Variants in FBXL17 observed in about 807,000 individuals in gnomAD.
FBXL17 encodes the protein F-box/LRR-repeat protein 17.
Under a neutral mutation model 66.2 loss-of-function variants are expected in FBXL17, and 22 were observed. That is an observed-to-expected ratio of 0.33 (90% CI 0.24 to 0.47). The LOEUF is 0.47. FBXL17 is among the 20% of genes least tolerant of loss of function. The pLI, the probability that FBXL17 is intolerant of heterozygous loss-of-function variation, is 1.00. For synonymous variants in FBXL17, 474 were observed against 400.5 expected (o/e 1.18, Z -2.19); for missense variants, 878 against 948.2 (o/e 0.93, Z 0.97).
chr5:108,025,561 T>C (rs1283478634), intron 6 of FBXL17, among the ~76,000 whole-genome samples: 1 of 152,020 alleles, frequency 6.6e-6, no homozygotes. Flanking sequence ...AAAAGTGATC[T>C]ATTTGGGGTT....
intron 4 of FBXL17, among the ~76,000 whole-genome samples, chr5:108,312,354 TA>T (rs894212313): frequency 7.9e-5 from 12 of 151,330 alleles, no homozygotes; most frequent in East Asian, 1.9e-4. Flanking sequence ...CTTTCTCTGT[TA>T]AAAAAAAATG....
At chr5:108,149,514 C>T (rs1204089559) in intron 6 of FBXL17, among the ~76,000 whole-genome samples, 1 of 152,178 alleles carries the variant, frequency 6.6e-6, no homozygotes, top group Non-Finnish European at 1.5e-5. Context: ...ATGTGTTAAG[C>T]ATGAGAGAGC....
At chr5:108,157,635 T>C (rs1437623906) in intron 6 of FBXL17, among the ~76,000 whole-genome samples, 2 of 151,680 alleles carry the variant, frequency 1.3e-5, no homozygotes, top group Non-Finnish European at 2.9e-5. Flanking sequence ...TTATTTAGCA[T>C]ATTATATGCA....
intron 7 of FBXL17, among the ~76,000 whole-genome samples, chr5:107,929,084 C>T (rs754233505): frequency 2.9e-4 from 44 of 152,152 alleles, no homozygotes; most frequent in Non-Finnish European, 5.4e-4. Flanking sequence ...AAGGTGAAAT[C>T]TCTCTTTATC....
At chr5:108,345,508 G>T (rs1251293905) in intron 4 of FBXL17, among the ~76,000 whole-genome samples, 1 of 150,334 alleles carries the variant, frequency 6.7e-6, no homozygotes, top group Non-Finnish European at 1.5e-5. Flanking sequence ...TTAAACTAGT[G>T]CCACAAATAA....
intron 6 of FBXL17, among the ~76,000 whole-genome samples, chr5:108,087,899 GC>G (rs1561403580): frequency 6.6e-6 from 1 of 152,062 alleles, no homozygotes; most frequent in Non-Finnish European, 1.5e-5. Context: ...AATTGAAAAG[GC>G]TTTGAGCAAT....
chr5:108,302,231 A>T (rs1351152721), intron 4 of FBXL17, among the ~76,000 whole-genome samples: 2 of 151,860 alleles, frequency 1.3e-5, no homozygotes, highest in Non-Finnish European at 2.9e-5. Context: ...AAGTAAATAT[A>T]AAGTCATCAC....
In FBXL17 at chr5:108,235,291, T is replaced by G. The variant is rs140266625; in HGVS notation, c.1507-11063A>C. Among the ~76,000 whole-genome samples, 7 of 152,318 alleles carry G rather than the reference T, an allele frequency of 4.6e-5. No homozygotes were observed. The East Asian group carries it at 1.3e-3, about 29-fold the overall frequency. On this transcript the variant is annotated intron_variant, in intron 4 of 8. Coordinates refer to ENST00000542267, the MANE Select transcript of FBXL17 (RefSeq NM_001163315.3). ...AATTCAGAGCCTGAAAACATATACT[T>G]CTAATCCTTCTCTTAATGATTCTTA...
At chr5:107,912,281 G>A (rs1580706104) in intron 7 of FBXL17, among the ~76,000 whole-genome samples, 1 of 152,138 alleles carries the variant, frequency 6.6e-6, no homozygotes, top group Non-Finnish European at 1.5e-5. Flanking sequence ...AACTCAGATT[G>A]TTAAGGCAAC....
At chr5:108,054,942 C>T (rs1434280990) in intron 6 of FBXL17, among the ~76,000 whole-genome samples, 1 of 152,074 alleles carries the variant, frequency 6.6e-6, no homozygotes, top group Non-Finnish European at 1.5e-5. Context: ...GGGATTTTAG[C>T]AGTACTTAGT....
At chr5:108,268,654 G>A (rs770359851) in intron 4 of FBXL17, among the ~76,000 whole-genome samples, 3 of 151,810 alleles carry the variant, frequency 2.0e-5, no homozygotes, top group East Asian at 1.9e-4. Flanking sequence ...GGAAAGAAAC[G>A]CATTTTCTTT....
At chr5:107,903,715 T>C (rs892074717) in intron 7 of FBXL17, among the ~76,000 whole-genome samples, 2 of 133,662 alleles carry the variant, frequency 1.5e-5, no homozygotes, top group Non-Finnish European at 3.2e-5. Flanking sequence ...CTACGGGAGA[T>C]TTATAACTTG....
At chr5:108,149,860 A>T (rs1751699784) in intron 6 of FBXL17, among the ~76,000 whole-genome samples, 1 of 152,166 alleles carries the variant, frequency 6.6e-6, no homozygotes, top group South Asian at 2.1e-4. Context: ...AATCCAATGC[A>T]TAAGAGAGCA....
chr5:108,374,108 G>A (rs56855707), intron 1 of FBXL17, among the ~76,000 whole-genome samples: 18,446 of 152,198 alleles, frequency 0.12, 1,353 homozygotes, highest in Admixed American at 0.16. Context: ...TTAATGCTTG[G>A]AGACTACAAC....
chr5:107,891,140 G>A lies in FBXL17; in HGVS notation c.1823-9961C>T, dbSNP rs1417241163. On this transcript the variant is annotated intron_variant, in intron 7 of 8. Coordinates refer to ENST00000542267, the MANE Select transcript of FBXL17 (RefSeq NM_001163315.3). ...GTGACATTTGACAAAAACCTGAAACGGTGGGGGAGTAATCCATAAAGATAT... is the reference window on the plus strand; with the variant it reads ...GTGACATTTGACAAAAACCTGAAACAGTGGGGGAGTAATCCATAAAGATAT... Among the ~76,000 whole-genome samples, 3 of 152,216 alleles carry A rather than the reference G, an allele frequency of 2.0e-5. No individual in the cohort carries two copies. In the South Asian group the frequency reaches 6.2e-4, roughly 32 times the overall value.
chr5:108,134,428 T>G (rs1342659936), intron 6 of FBXL17, among the ~76,000 whole-genome samples: 1 of 152,208 alleles, frequency 6.6e-6, no homozygotes, highest in East Asian at 1.9e-4. Flanking sequence ...GGGACATAGT[T>G]GTATTTCTAA....
intron 4 of FBXL17, among the ~76,000 whole-genome samples, chr5:108,334,484 C>T (rs1313209065): frequency 3.3e-5 from 5 of 152,128 alleles, no homozygotes; most frequent in Admixed American, 1.3e-4. Context: ...CGCCTATGGG[C>T]CATGCGATGT....
chr5:108,041,637 C>T (rs288151), intron 6 of FBXL17, among the ~76,000 whole-genome samples: 25,153 of 151,844 alleles, frequency 0.17, 2,416 homozygotes, highest in South Asian at 0.42. Flanking sequence ...AGGGTGATCT[C>T]GAACTCCTTA....
intron 6 of FBXL17, among the ~76,000 whole-genome samples, chr5:108,164,372 A>C (rs1425667695): frequency 6.6e-6 from 1 of 152,196 alleles, no homozygotes; most frequent in East Asian, 1.9e-4. Context: ...TATTTCATGA[A>C]TATATCACTC....
Sources: allele counts gnomAD v4.1 joint callset (sites outside exome capture counted in the v4.1 genomes callset), GRCh38; gene constraint gnomAD v4.1.1; transcripts MANE v1.5; gene names NCBI Gene and HGNC (gene_info 2026-07-23, HGNC 2026-07-21).